The following PXDNL variants were observed in gnomAD, a reference collection of about 807,000 sequenced individuals.
The protein encoded by PXDNL is peroxidasin like.
A neutral mutation model predicts 150.8 loss-of-function variants in PXDNL; 145 were observed. The observed-to-expected ratio is 0.96, with a 90% CI of 0.84 to 1.10. The LOEUF (loss-of-function observed/expected upper bound fraction) is 1.10. Ranked by LOEUF, PXDNL falls within the 50% of genes least tolerant of loss-of-function variation. PXDNL has a pLI of 0.00. For synonymous variants in PXDNL, 757 were observed against 725.7 expected (o/e 1.04, Z -0.69); for missense variants, 2,087 against 1,873.9 (o/e 1.11, Z -2.10).
chr8:51,716,909 G>T (rs1313804763), intron 1 of PXDNL, among the ~76,000 whole-genome samples: 1 of 152,142 alleles, frequency 6.6e-6, no homozygotes, highest in East Asian at 1.9e-4. Flanking sequence ...GTAAATCCAA[G>T]AACTCTTTTT....
At chr8:51,528,147 A>G (rs934074005) in intron 4 of PXDNL, among the ~76,000 whole-genome samples, 4 of 152,212 alleles carry the variant, frequency 2.6e-5, no homozygotes, top group African/African-American at 9.7e-5. Context: ...AGTTATTTAT[A>G]CAATTACCAT....
At chr8:51,673,031 T>C (rs909465024) in intron 1 of PXDNL, among the ~76,000 whole-genome samples, 1 of 152,072 alleles carries the variant, frequency 6.6e-6, no homozygotes, top group Non-Finnish European at 1.5e-5. Flanking sequence ...TTGAAAAAAA[T>C]CTGAGGGGTG....
intron 3 of PXDNL, among the ~76,000 whole-genome samples, chr8:51,585,072 G>A (rs1003131726): frequency 5.9e-5 from 9 of 152,078 alleles, no homozygotes; most frequent in African/African-American, 2.2e-4. Context: ...CCAATATGAT[G>A]CACAGATATT....
rs538318831 is a variant in PXDNL at position 51,578,459 on chromosome 8, T to G, written c.308+14168A>C. On this transcript the variant is annotated intron_variant, in intron 3 of 22. Transcript: ENST00000356297. ...TGTTTATTTTAAAACTATAAAACAC[T>G]GATTTTAAAAAATTAAACAGATCTA... 1.6e-4 allele frequency among the ~76,000 whole-genome samples: 24 copies of G among 152,064 alleles called. No individual in the cohort carries two copies. In the South Asian group the frequency reaches 3.9e-3, roughly 25 times the overall value.
chr8:51,449,249 A>G, intron 10 of PXDNL, 131 bp from the exon 11 acceptor site: 1 of 609,636 alleles, frequency 1.6e-6, no homozygotes, highest in African/African-American at 1.9e-5. Context: ...AAACAAGGTT[A>G]TAAAGAGTGT....
intron 1 of PXDNL, among the ~76,000 whole-genome samples, chr8:51,802,129 C>G (rs1022891342): frequency 6.7e-6 from 1 of 150,224 alleles, no homozygotes; most frequent in Non-Finnish European, 1.5e-5. Context: ...AGTTAGTAGA[C>G]AGGAATTTTT....
At chr8:51,435,257 G>A (rs1586104356) in intron 12 of PXDNL, among the ~76,000 whole-genome samples, 1 of 152,032 alleles carries the variant, frequency 6.6e-6, no homozygotes, top group Non-Finnish European at 1.5e-5. Flanking sequence ...GGAAGTGAAG[G>A]TTGCAGTGAG....
At chr8:51,657,048 A>G (rs1815165959) in intron 1 of PXDNL, among the ~76,000 whole-genome samples, 1 of 152,230 alleles carries the variant, frequency 6.6e-6, no homozygotes, top group African/African-American at 2.4e-5. Flanking sequence ...TCAAAAATGC[A>G]TTTAATACAA....
intron 3 of PXDNL, among the ~76,000 whole-genome samples, chr8:51,565,175 C>T (rs1812792683): frequency 6.6e-6 from 1 of 151,734 alleles, no homozygotes; most frequent in Admixed American, 6.6e-5. Context: ...TACCTGACTT[C>T]CTGTGGGAGG....
At chr8:51,450,310 G>A (rs1809775342) in intron 10 of PXDNL, among the ~76,000 whole-genome samples, 2 of 152,102 alleles carry the variant, frequency 1.3e-5, no homozygotes, top group Non-Finnish European at 1.5e-5. Context: ...GGGTCTTTGT[G>A]CCCTGTATAT....
In PXDNL at chr8:51,319,979, G is replaced by A; in HGVS notation, c.4304C>T (p.Pro1435Leu). 6.4e-7 allele frequency: 1 copy of A among 1,572,972 alleles called. No homozygotes were observed. The highest frequency in any genetic ancestry group is 8.6e-7 in the Non-Finnish European group (1 of 1,159,978). The change falls in exon 23 of 23, where the codon CCC (proline) becomes CTC (leucine). Residue 1435 changes from proline to leucine, a missense_variant. Physicochemically the swap from Pro to Leu is moderately conservative, Grantham distance 98. Coordinates refer to ENST00000356297, the MANE Select transcript of PXDNL (RefSeq NM_144651.5). ...TCVVEICPPA[P>L]CPSPELVKGT... ...TTTCACCAATTCAGGACTGGGACAG[G>A]GAGCCGGGGGACAAATCTCCACCAC...
intron 19 of PXDNL, among the ~76,000 whole-genome samples, chr8:51,363,827 TG>T (rs1394772395): frequency 6.6e-6 from 1 of 152,128 alleles, no homozygotes; most frequent in Non-Finnish European, 1.5e-5. Flanking sequence ...AGCTTTCCCA[TG>T]CACAAGGGCT....
chr8:51,592,256 T>A (rs1399920489), intron 3 of PXDNL, among the ~76,000 whole-genome samples: 1 of 152,210 alleles, frequency 6.6e-6, no homozygotes, highest in Admixed American at 6.5e-5. Context: ...GGATAGATAC[T>A]CTGTTGGCAT....
chr8:51,723,463 G>A (rs570306481), intron 1 of PXDNL, among the ~76,000 whole-genome samples: 2 of 152,314 alleles, frequency 1.3e-5, no homozygotes, highest in South Asian at 4.1e-4. Context: ...AGTCCTGCAC[G>A]GGCGATATCA....
chr8:51,543,728 A>AAAAG (rs1563457948), intron 4 of PXDNL, among the ~76,000 whole-genome samples: 32 of 150,952 alleles, frequency 2.1e-4, no homozygotes, highest in African/African-American at 6.8e-4. Flanking sequence ...AAAAAAAAAA[A>AAAAG]AAAGAAAGAA....
chr8:51,477,419 G>A (rs978874144), intron 6 of PXDNL, among the ~76,000 whole-genome samples: 1 of 152,214 alleles, frequency 6.6e-6, no homozygotes, highest in African/African-American at 2.4e-5. Flanking sequence ...TCGGGAGTGA[G>A]GTGTAAGTCA....
At chr8:51,440,412 C>T (rs1217858817) in intron 12 of PXDNL, among the ~76,000 whole-genome samples, 3 of 150,822 alleles carry the variant, frequency 2.0e-5, no homozygotes, top group African/African-American at 7.3e-5. Flanking sequence ...CCACCTATTC[C>T]CCCAAAACCT....
intron 4 of PXDNL, among the ~76,000 whole-genome samples, chr8:51,553,664 T>A (rs975346258): frequency 6.6e-6 from 1 of 151,540 alleles, no homozygotes; most frequent in African/African-American, 2.4e-5. Flanking sequence ...AACAATGAAC[T>A]CTATCAACAA....
intron 4 of PXDNL, among the ~76,000 whole-genome samples, chr8:51,554,953 C>A (rs1812570817): frequency 6.6e-6 from 1 of 152,166 alleles, no homozygotes. Flanking sequence ...CAGATTCTTC[C>A]CATTTGTGCC....
Sources: gnomAD v4.1 joint callset for allele counts (sites outside exome capture counted in the v4.1 genomes callset) on GRCh38, gnomAD v4.1.1 for gene constraint, MANE v1.5 for transcripts, NCBI Gene and HGNC (gene_info 2026-07-23, HGNC 2026-07-21) for gene names.